Variants in ERO1A observed in about 807,000 individuals in gnomAD.
ERO1A encodes the protein endoplasmic reticulum oxidoreductase 1 alpha.
A neutral mutation model predicts 76.9 loss-of-function variants in ERO1A; 49 were observed. The ratio of observed to expected loss-of-function variants is 0.64; its 90% CI spans 0.51 to 0.81. ERO1A has a LOEUF of 0.81. Ranked by LOEUF, ERO1A falls within the 30% of genes least tolerant of loss-of-function variation. The pLI is 0.00. For synonymous variants in ERO1A, 174 were observed against 181.2 expected, an observed-to-expected ratio of 0.96 and a Z score of 0.32; for missense variants, 448 against 542.1, an observed-to-expected ratio of 0.83 and a Z score of 1.72.
At chr14:52,656,778 C>T (rs945213447) in intron 11 of ERO1A, among the ~76,000 whole-genome samples, 4 of 150,960 alleles carry the variant, frequency 2.6e-5, no homozygotes, top group South Asian at 2.1e-4. Context: ...ATCAAAGTTA[C>T]GGCTAGGCAC....
intron 3 of ERO1A, among the ~76,000 whole-genome samples, chr14:52,681,298 T>G (rs973871756): frequency 6.6e-6 from 1 of 152,086 alleles, no homozygotes. Flanking sequence ...TATTCAGCGT[T>G]AAAAAGGAAT....
rs1184140088 is a variant in ERO1A, at chr14:52,657,298, T to C, written c.808+619A>G. Among the ~76,000 whole-genome samples the C allele has an allele frequency of 3.3e-5, 5 of 152,194 alleles. No individual in the cohort carries two copies. The South Asian group carries it at 6.2e-4, about 19-fold the overall frequency. On this transcript the variant is annotated intron_variant, in intron 11 of 15. Coordinates refer to ENST00000395686, the MANE Select transcript of ERO1A (RefSeq NM_014584.3). ...CCTTCATGAGGAGAGGTTCAAACTT[T>C]TTCCTGGGCAAAGCCAAGTGCCCTC...
chr14:52,666,652 C>T (rs933637742), intron 6 of ERO1A, among the ~76,000 whole-genome samples, 157 bp from the exon 7 acceptor site: 7 of 152,128 alleles, frequency 4.6e-5, no homozygotes, highest in Admixed American at 6.5e-5. Flanking sequence ...GGAAGGAGGC[C>T]GGGTGTGGTG....
intron 2 of ERO1A, among the ~76,000 whole-genome samples, chr14:52,683,303 AAG>A (rs3830982): frequency 0.15 from 22,768 of 152,142 alleles, 1,922 homozygotes; most frequent in African/African-American, 0.23. Context: ...TCAAACAAGA[AAG>A]AGTTAACAGG....
intron 1 of ERO1A, among the ~76,000 whole-genome samples, chr14:52,688,718 AG>A (rs1034592257): frequency 2.6e-5 from 4 of 152,186 alleles, no homozygotes; most frequent in African/African-American, 9.6e-5. Flanking sequence ...TTAGCTGTGG[AG>A]GGAGCCTCAA....
chr14:52,686,980 G>A (rs1372822236), intron 1 of ERO1A, among the ~76,000 whole-genome samples: 1 of 152,158 alleles, frequency 6.6e-6, no homozygotes, highest in Non-Finnish European at 1.5e-5. Context: ...GGTGGCAGGA[G>A]TTTCAATGGA....
chr14:52,661,255 CAA>C lies in ERO1A; in HGVS notation c.688+36_688+37del, dbSNP rs760500997. On this transcript the variant is annotated intron_variant, in intron 9 of 15. Transcript: ENST00000395686. ...CATAATAAACATCTGAATGTATAAA[CAA>C]ATTCATATATGTAATATATAATAAA... 4 of 875,208 alleles carry C rather than the reference CAA, an allele frequency of 4.6e-6. No individual in the cohort carries two copies. In the African/African-American group the frequency reaches 7.1e-5, roughly 16 times the overall value. 54.2% of individuals were successfully genotyped at this position (875,208 alleles called of 1,614,324 possible). A position where few individuals can be genotyped will look rare whatever the true frequency, so the allele number is the denominator to read the frequency against.
At chr14:52,678,751 A>G (rs1365047663) in intron 3 of ERO1A, among the ~76,000 whole-genome samples, 1 of 152,192 alleles carries the variant, frequency 6.6e-6, no homozygotes, top group Non-Finnish European at 1.5e-5. Flanking sequence ...ATTGTCCCGT[A>G]TTTGGCCACT....
At chr14:52,694,550 C>T (rs779921264) in intron 1 of ERO1A, among the ~76,000 whole-genome samples, 3 of 151,794 alleles carry the variant, frequency 2.0e-5, no homozygotes, top group Non-Finnish European at 4.4e-5. Context: ...TTGTATAAAA[C>T]GTAATTTTTA....
intron 4 of ERO1A, among the ~76,000 whole-genome samples, chr14:52,672,776 C>CAAAAAAAAAA (rs1226719026): frequency 9.8e-5 from 6 of 61,070 alleles, no homozygotes; most frequent in South Asian, 5.6e-4. Flanking sequence ...TGTCTCTGAC[C>CAAAAAAAAAA]AAAAAAAAAA....
chr14:52,684,269 T>C (rs2041104188), intron 1 of ERO1A, among the ~76,000 whole-genome samples: 1 of 152,078 alleles, frequency 6.6e-6, no homozygotes, highest in Non-Finnish European at 1.5e-5. Flanking sequence ...TCCAGGATCC[T>C]AGAATTGAGA....
intron 1 of ERO1A, among the ~76,000 whole-genome samples, chr14:52,688,129 T>C (rs979239410): frequency 9.9e-5 from 15 of 151,664 alleles, no homozygotes; most frequent in African/African-American, 3.4e-4. Context: ...GAGGCTGCAG[T>C]GAGCCATAAT....
chr14:52,682,409 C>T lies in ERO1A; in HGVS notation c.235-1G>A, dbSNP rs1477165365. The T allele has an allele frequency of 6.3e-7, 1 of 1,594,998 alleles. No homozygotes were observed. The highest frequency in any genetic ancestry group is 8.6e-7 in the Non-Finnish European group (1 of 1,168,970). On this transcript the variant is annotated splice_acceptor_variant, in intron 2 of 15. Transcript: ENST00000395686. LOFTEE classifies it high-confidence loss of function. ...AAGGACACGGCCTCTTCAGGTTTAC[C>T]TGTAAAATAATAATAGAAAAAAAAT...
Position 52,673,508 on chromosome 14 carries a change from G to C in ERO1A, c.358-1637C>G, listed in dbSNP as rs1044622772. 7.2e-5 allele frequency among the ~76,000 whole-genome samples: 11 copies of C among 152,114 alleles called. No homozygotes were observed. In the South Asian group the frequency reaches 2.1e-3, roughly 29 times the overall value. On this transcript the variant is annotated intron_variant, in intron 4 of 15. Coordinates refer to ENST00000395686, the MANE Select transcript of ERO1A (RefSeq NM_014584.3). ...TAGAACAAATTGCAATAAAAACTTA[G>C]AGGGTTCATTTATTAAAAACCAATC...
At chr14:52,680,082 C>CAAAAAAAAAAAAAAAAAAAACAAAAA (rs2040939131) in intron 3 of ERO1A, among the ~76,000 whole-genome samples, 3 of 90,930 alleles carry the variant, frequency 3.3e-5, no homozygotes, top group Non-Finnish European at 6.6e-5. Context: ...AAAACACAAA[C>CAAAAAAAAAAAAAAAAAAAACAAAAA]AAAAAAAAAA....
chr14:52,686,907 A>G (rs1482500981), intron 1 of ERO1A, among the ~76,000 whole-genome samples: 1 of 152,118 alleles, frequency 6.6e-6, no homozygotes, highest in Non-Finnish European at 1.5e-5. Context: ...CCTTCCTGAA[A>G]TATGGAGTAG....
In ERO1A at chr14:52,657,918, T is replaced by G; in HGVS notation, c.807A>C (p.Gln269His). 2 of 1,595,952 alleles carry G rather than the reference T, an allele frequency of 1.3e-6. No homozygotes were observed. Among genetic ancestry groups the G allele is most frequent in the Non-Finnish European group, 1.7e-6 (2 of 1,168,462 alleles). Reference sequence around the variant, plus strand: ...TGAATAAAAGTAAATGTCACATACCTTGTAAAAGATATCTTGCACTCAAAT... The same window carrying G: ...TGAATAAAAGTAAATGTCACATACCGTGTAAAAGATATCTTGCACTCAAAT... ...NVHLSARYLL[Q>H]ETWLEKKWGH... The change falls in exon 11 of 16, where the codon CAA (glutamine) becomes CAC (histidine). Residue 269 changes from glutamine to histidine, a missense_variant and splice_region_variant. Physicochemically the swap from Gln to His is conservative, Grantham distance 24 (BLOSUM62 0). Around this residue, in one of 2 missense-constraint regions of ERO1A, gnomAD observed 302 missense variants for 411.9 expected, o/e 0.73. Coordinates refer to ENST00000395686, the MANE Select transcript of ERO1A (RefSeq NM_014584.3).
intron 13 of ERO1A, chr14:52,647,198 C>T (rs2039700199): frequency 8.9e-6 from 1 of 111,964 alleles, no homozygotes. Context: ...GGCAGGGTTT[C>T]ACCATGTTAG....
At chr14:52,665,602 A>G (rs1304683178) in intron 7 of ERO1A, among the ~76,000 whole-genome samples, 1 of 151,962 alleles carries the variant, frequency 6.6e-6, no homozygotes, top group Non-Finnish European at 1.5e-5. Context: ...CATCTCTAAG[A>G]CAGCATAATG....
Sources: gnomAD v4.1 joint callset for allele counts (sites outside exome capture counted in the v4.1 genomes callset) on GRCh38, gnomAD v4.1.1 for gene constraint, gnomAD v4.1.1 regional missense constraint, MANE v1.5 for transcripts, NCBI Gene and HGNC (gene_info 2026-07-23, HGNC 2026-07-21) for gene names.